Variants in XRCC4 observed in about 807,000 individuals in gnomAD.
The protein encoded by XRCC4 is DNA repair protein XRCC4.
In XRCC4, 28 loss-of-function variants were observed where a neutral mutation model predicts 39.1. The observed-to-expected ratio is 0.72, with a 90% CI of 0.53 to 0.98. The LOEUF is 0.98. Among genes scored for constraint, XRCC4 ranks in the 50% least tolerant of loss-of-function variants. XRCC4 has a pLI of 0.00. For missense variants in XRCC4, 350 were observed against 376.4 expected (o/e 0.93, Z 0.58); for synonymous variants, 123 against 126.4 (o/e 0.97, Z 0.18).
At chr5:83,215,289 A>G (rs975352547) in intron 6 of XRCC4, among the ~76,000 whole-genome samples, 1 of 152,132 alleles carries the variant, frequency 6.6e-6, no homozygotes, top group African/African-American at 2.4e-5. Context: ...CGGTGAGCCA[A>G]GATCACACCA....
intron 6 of XRCC4, among the ~76,000 whole-genome samples, chr5:83,225,719 CCT>C (rs1752262587): frequency 2.0e-5 from 3 of 151,540 alleles, no homozygotes; most frequent in Admixed American, 6.6e-5. Context: ...TATTGTTTGC[CCT>C]GTTAATTCCC....
At chr5:83,211,241 C>G (rs1229333806) in intron 6 of XRCC4, among the ~76,000 whole-genome samples, 1 of 152,218 alleles carries the variant, frequency 6.6e-6, no homozygotes, top group Non-Finnish European at 1.5e-5. Context: ...TGCCCACATT[C>G]ATGAGTTTGG....
chr5:83,315,587 C>T (rs1009324574), intron 7 of XRCC4, among the ~76,000 whole-genome samples: 3 of 152,076 alleles, frequency 2.0e-5, no homozygotes, highest in Non-Finnish European at 2.9e-5. Flanking sequence ...AGCCAGTGCT[C>T]ATTTATCATT....
In XRCC4 at chr5:83,105,056, C is replaced by T; in HGVS notation, c.137C>T (p.Thr46Ile). ...LTDGHSAWTG[T>I]VSESEISQEA... ...GATGGTCATTCAGCATGGACTGGGACAGGTAATACTAAAAACAAAGTTTTT... is the reference window on the plus strand; with the variant it reads ...GATGGTCATTCAGCATGGACTGGGATAGGTAATACTAAAAACAAAGTTTTT... The change falls in exon 2 of 8, where the codon ACA (threonine) becomes ATA (isoleucine). Residue 46 changes from threonine to isoleucine, a missense_variant and splice_region_variant. Thr to Ile is a moderately conservative substitution (Grantham distance 89). Transcript: ENST00000396027. The T allele has an allele frequency of 6.2e-7, 1 of 1,601,070 alleles. No homozygotes were observed. Among genetic ancestry groups the T allele is most frequent in the Middle Eastern group, 1.7e-4 (1 of 5,962 alleles).
intron 6 of XRCC4, among the ~76,000 whole-genome samples, chr5:83,247,119 C>A (rs1300937620): frequency 1.3e-5 from 2 of 152,192 alleles, no homozygotes; most frequent in Non-Finnish European, 2.9e-5. Context: ...GTTCCACAAA[C>A]AGTGGTTTTA....
chr5:83,368,344 G>T, the XRCC4 span, among the ~76,000 whole-genome samples: 1 of 152,120 alleles, frequency 6.6e-6, no homozygotes, highest in East Asian at 1.9e-4. Context: ...ATGAGCACAG[G>T]GCCTGGTGCA....
At chr5:83,239,170 G>T (rs914413605) in intron 6 of XRCC4, among the ~76,000 whole-genome samples, 5 of 151,952 alleles carry the variant, frequency 3.3e-5, no homozygotes, top group Non-Finnish European at 7.4e-5. Context: ...CTGATGTCTG[G>T]CTCCAGGAAT....
chr5:83,232,346 T>C lies in XRCC4; in HGVS notation c.746-26184T>C, dbSNP rs1752524970. Among the ~76,000 whole-genome samples, 4 of 152,220 alleles carry C rather than the reference T, an allele frequency of 2.6e-5. No homozygotes were observed. In the South Asian group the frequency reaches 8.3e-4, roughly 31 times the overall value. On this transcript the variant is annotated intron_variant, in intron 6 of 7. Transcript: ENST00000396027. Reference sequence around the variant, plus strand: ...AAACCACTTTTGCTTCCCACCATCATCACAGTTCTTTATACTTAACAACTT... The same window carrying C: ...AAACCACTTTTGCTTCCCACCATCACCACAGTTCTTTATACTTAACAACTT...
In XRCC4 at chr5:83,318,118, A is replaced by C. The variant is rs1434202847; in HGVS notation, c.894-35013A>C. On this transcript the variant is annotated intron_variant, in intron 7 of 7. Transcript: ENST00000396027. The stretch of plus-strand genomic sequence containing the variant: ...AAGACAAAAACCACATGATTATCTC[A>C]ATAGTTGCAGAAAAAGCCTTTGACA... 1.4e-5 allele frequency among the ~76,000 whole-genome samples: 2 copies of C among 146,172 alleles called. 1 individual carries two copies. Among genetic ancestry groups the C allele is most frequent in the African/African-American group, 5.5e-5 (2 of 36,092 alleles).
At chr5:83,349,229 C>T (rs1757008628) in intron 7 of XRCC4, among the ~76,000 whole-genome samples, 2 of 152,244 alleles carry the variant, frequency 1.3e-5, no homozygotes, top group African/African-American at 4.8e-5. Flanking sequence ...GAAGTCCACC[C>T]CCGTGATCCA....
In XRCC4 at chr5:83,204,826, T is replaced by C; in HGVS notation, c.650T>C (p.Ile217Thr). The C allele has an allele frequency of 1.2e-6, 2 of 1,606,268 alleles. No homozygotes were observed. The highest frequency in any genetic ancestry group is 1.7e-6 in the Non-Finnish European group (2 of 1,174,968). ...TTCTCTGTTTCTAGGGAAACTGCAA[T>C]CTGTTCTGAAATGACTGCTGACCGA... ...KDIKQEGETA[I>T]CSEMTADRDP... The change falls in exon 6 of 8, where the codon ATC becomes ACC. Residue 217 changes from isoleucine to threonine, a missense_variant. By Grantham distance (89) the Ile-to-Thr change is moderately conservative (BLOSUM62 -1). Coordinates refer to ENST00000396027, the MANE Select transcript of XRCC4 (RefSeq NM_003401.5).
chr5:83,344,465 C>T (rs1156660689), intron 7 of XRCC4, among the ~76,000 whole-genome samples: 1 of 140,972 alleles, frequency 7.1e-6, no homozygotes, highest in Non-Finnish European at 1.5e-5. Context: ...ACTGTCTTGC[C>T]CAGTAATATG....
At position 83,111,173 on chromosome 5, in the gene XRCC4, C is replaced by T. The variant is rs777862039; in HGVS notation, c.285C>T (p.Phe95=). 6.3e-7 allele frequency: 1 copy of T among 1,590,234 alleles called. No individual in the cohort carries two copies. Among genetic ancestry groups the T allele is most frequent in the Non-Finnish European group, 8.5e-7 (1 of 1,172,364 alleles). ...ATTTTTCTAAAGAGTCTTGTTATTT[C>T]TTCTTTGAGAAAAACCTGAAAGATG... ...TFNFSKESCY[F]FFEKNLKDVS... Residue 95 remains phenylalanine, a synonymous_variant, in exon 3 of 8, where the codon TTC becomes TTT. Transcript: ENST00000396027.
At chr5:83,348,700 G>A (rs1031665733) in intron 7 of XRCC4, among the ~76,000 whole-genome samples, 5 of 152,186 alleles carry the variant, frequency 3.3e-5, no homozygotes, top group Non-Finnish European at 5.9e-5. Context: ...GTTTACTTGC[G>A]CAAATTTCTG....
At chr5:83,326,580 A>G (rs573575903) in intron 7 of XRCC4, among the ~76,000 whole-genome samples, 5 of 152,108 alleles carry the variant, frequency 3.3e-5, no homozygotes, top group Non-Finnish European at 7.4e-5. Context: ...TTCTACTAAC[A>G]TGACATTTTC....
At chr5:83,350,776 C>G (rs748685553) in intron 7 of XRCC4, among the ~76,000 whole-genome samples, 1 of 152,018 alleles carries the variant, frequency 6.6e-6, no homozygotes, top group Non-Finnish European at 1.5e-5. Context: ...TTAATTAGGT[C>G]CCTCTTGTCA....
At chr5:83,269,278 T>C (rs1392223399) in intron 7 of XRCC4, among the ~76,000 whole-genome samples, 3 of 152,100 alleles carry the variant, frequency 2.0e-5, no homozygotes, top group African/African-American at 7.2e-5. Flanking sequence ...ATGTACCTAC[T>C]GTGTGCCAAG....
intron 7 of XRCC4, among the ~76,000 whole-genome samples, chr5:83,319,917 T>C (rs991086349): frequency 1.2e-4 from 15 of 123,716 alleles, no homozygotes; most frequent in African/African-American, 3.1e-4. Flanking sequence ...CGTATGTTTA[T>C]TGCGGCATTA....
chr5:83,174,864 T>C (rs962494894), intron 3 of XRCC4, among the ~76,000 whole-genome samples: 2 of 151,534 alleles, frequency 1.3e-5, no homozygotes, highest in African/African-American at 4.8e-5. Flanking sequence ...TAAAAATTCA[T>C]GGTGTGGTAT....
Sources: gnomAD v4.1 joint callset for allele counts (sites outside exome capture counted in the v4.1 genomes callset) on GRCh38, gnomAD v4.1.1 for gene constraint, MANE v1.5 for transcripts, NCBI Gene and HGNC (gene_info 2026-07-23, HGNC 2026-07-21) for gene names.